Variants in RNF168 observed in about 807,000 individuals in gnomAD.
RNF168 encodes the protein ring finger protein 168, also known as E3 ubiquitin-protein ligase RNF168.
In RNF168, 34 loss-of-function variants were observed where a neutral mutation model predicts 34.9. The ratio of observed to expected loss-of-function variants is 0.97; its 90% CI spans 0.74 to 1.30. The LOEUF (loss-of-function observed/expected upper bound fraction) is 1.30. Ranked by LOEUF, RNF168 falls within the 50% of genes most tolerant of loss-of-function variation. RNF168 has a pLI of 0.00. For missense variants in RNF168, 725 were observed against 682.5 expected, an observed-to-expected ratio of 1.06 and a Z score of -0.69; for synonymous variants, 264 against 254.7, an observed-to-expected ratio of 1.04 and a Z score of -0.35.
chr3:196,479,402 T>C (rs777778677), intron 4 of RNF168, among the ~76,000 whole-genome samples: 81 of 152,058 alleles, frequency 5.3e-4, no homozygotes, highest in Admixed American at 1.6e-3. Context: ...CCTCCCAGGT[T>C]CACGTGATCC....
intron 3 of RNF168, 80 bp downstream of exon 3, chr3:196,487,319 C>T (rs985159979): frequency 4.3e-6 from 5 of 1,172,298 alleles, no homozygotes; most frequent in South Asian, 1.2e-5. Context: ...ATACAAGGAG[C>T]TGACTCTTCC....
chr3:196,499,769 C>T (rs1175115059), intron 1 of RNF168, among the ~76,000 whole-genome samples: 4 of 152,152 alleles, frequency 2.6e-5, no homozygotes, highest in African/African-American at 4.8e-5. Context: ...GATTAAATGA[C>T]AGGCAAAGTT....
At position 196,485,960 on chromosome 3, in the gene RNF168, T is replaced by C. The variant is rs78548602; in HGVS notation, c.558+1439A>G. ...CCCATCCCTAGAGACTCTGACTTAA[T>C]AGATTTGGAGTAAATATGAGAGTTT... On this transcript the variant is annotated intron_variant, in intron 3 of 5. Coordinates refer to ENST00000318037, the MANE Select transcript of RNF168 (RefSeq NM_152617.4). Among the ~76,000 whole-genome samples the C allele has an allele frequency of 2.7e-3, 418 of 152,266 alleles. 23 individuals are homozygous for C. In the South Asian group the frequency reaches 0.071, roughly 26 times the overall value.
chr3:196,493,416 G>A (rs774645026), intron 1 of RNF168, among the ~76,000 whole-genome samples: 11 of 152,096 alleles, frequency 7.2e-5, no homozygotes, highest in African/African-American at 9.7e-5. Flanking sequence ...GTTCAGTGGC[G>A]GGATCATAGC....
chr3:196,471,619 C>T lies in RNF168; in HGVS notation c.*200G>A, dbSNP rs570309581. ...ACACATCTGTTATTAAGAAGGGAAA[C>T]GACAGGGGACCCCTGCTTACCGCTG... On this transcript the variant is annotated 3_prime_UTR_variant, in exon 6 of 6. Coordinates refer to ENST00000318037, the MANE Select transcript of RNF168 (RefSeq NM_152617.4). 11 of 577,668 alleles carry T rather than the reference C, an allele frequency of 1.9e-5. No homozygotes were observed. Among genetic ancestry groups the T allele is most frequent in the East Asian group, 2.9e-5 (1 of 34,722 alleles). The allele number at this position is 577,668 out of a possible 1,614,324, so 35.8% of individuals were successfully genotyped here.
intron 1 of RNF168, among the ~76,000 whole-genome samples, chr3:196,491,029 A>G (rs73072948): frequency 0.1 from 15,880 of 152,260 alleles, 2,660 homozygotes; most frequent in African/African-American, 0.35. Context: ...AAAAAATTAA[A>G]GTAAGCTGGG....
intron 2 of RNF168, 105 bp downstream of exon 2, chr3:196,488,502 A>T: frequency 1.5e-6 from 1 of 675,108 alleles, no homozygotes; most frequent in Non-Finnish European, 2.6e-6. Context: ...AATTATCCAT[A>T]TTTCAAGATA....
chr3:196,502,814 G>A (rs1040284486), intron 1 of RNF168, 59 bp downstream of exon 1: 2 of 1,417,992 alleles, frequency 1.4e-6, no homozygotes, highest in African/African-American at 2.8e-5. Context: ...GAAAAGTGAT[G>A]ATTCACCTTT....
intron 1 of RNF168, among the ~76,000 whole-genome samples, chr3:196,497,995 T>C (rs1024695082): frequency 2.6e-5 from 4 of 152,110 alleles, no homozygotes; most frequent in African/African-American, 9.7e-5. Context: ...ACCTGGAAAT[T>C]GAAATTAAAA....
intron 1 of RNF168, among the ~76,000 whole-genome samples, chr3:196,493,042 A>T (rs1350865762): frequency 6.6e-6 from 1 of 152,198 alleles, no homozygotes; most frequent in East Asian, 1.9e-4. Flanking sequence ...AAAACAATTA[A>T]AACTTCCATG....
intron 1 of RNF168, among the ~76,000 whole-genome samples, chr3:196,493,126 G>A (rs893153219): frequency 2.0e-5 from 3 of 152,138 alleles, no homozygotes; most frequent in African/African-American, 7.2e-5. Context: ...GAGAATTAGT[G>A]TCCAGAATAT....
At chr3:196,484,162 C>T (rs9683218) in intron 3 of RNF168, among the ~76,000 whole-genome samples, 92,311 of 145,306 alleles carry the variant, frequency 0.64, 30,349 homozygotes, top group African/African-American at 0.75. Context: ...TCCTGTTGAT[C>T]TTTCTTTCCT....
Position 196,490,970 on chromosome 3 carries a change from ATC to A in RNF168, c.302-2289_302-2288del, listed in dbSNP as rs528403844. Among the ~76,000 whole-genome samples, 255 of 152,364 alleles carry A rather than the reference ATC, an allele frequency of 1.7e-3. 1 individual carries two copies. The highest frequency in any genetic ancestry group is 3.6e-3 in the Admixed American group (55 of 15,302). ...GTAGAATCTACGAAACCCTGGAGGT[ATC>A]TGAGACTTTTTTTCAGGGAAACTGC... On this transcript the variant is annotated intron_variant, in intron 1 of 5. Coordinates refer to ENST00000318037, the MANE Select transcript of RNF168 (RefSeq NM_152617.4).
chr3:196,476,796 G>A (rs1732160726), intron 4 of RNF168, among the ~76,000 whole-genome samples: 1 of 150,370 alleles, frequency 6.7e-6, no homozygotes, highest in Non-Finnish European at 1.5e-5. Context: ...TCGCCAGGCT[G>A]GAGTGCCGTG....
intron 1 of RNF168, among the ~76,000 whole-genome samples, chr3:196,500,243 G>A (rs1281648793): frequency 1.3e-5 from 2 of 152,174 alleles, no homozygotes; most frequent in Non-Finnish European, 2.9e-5. Flanking sequence ...GCCGAGAAGT[G>A]GAAGCAAGCC....
chr3:196,479,067 G>C (rs1309132634), intron 4 of RNF168, among the ~76,000 whole-genome samples: 1 of 147,360 alleles, frequency 6.8e-6, no homozygotes, highest in African/African-American at 2.5e-5. Context: ...TTGGAGTGCA[G>C]TGGTGCAGTC....
At chr3:196,487,668 A>C in intron 2 of RNF168, 90 bp from the exon 3 acceptor site, 1 of 1,247,264 alleles carries the variant, frequency 8.0e-7, no homozygotes, top group Non-Finnish European at 1.2e-6. Context: ...GTAGAAAAAG[A>C]ACAAATTGGC....
intron 4 of RNF168, among the ~76,000 whole-genome samples, chr3:196,480,599 T>G (rs554459664): frequency 6.6e-6 from 1 of 152,224 alleles, no homozygotes. Flanking sequence ...TTCTAACCCA[T>G]GAATATTGTA....
rs1732952139 is a variant in RNF168, at chr3:196,503,332, A to G, written c.-159T>C. 1 of 701,360 alleles carries G rather than the reference A, an allele frequency of 1.4e-6. No individual in the cohort carries two copies. The highest frequency in any genetic ancestry group is 2.3e-5 in the Admixed American group (1 of 43,214). 43.4% of individuals were successfully genotyped at this position (701,360 alleles called of 1,614,324 possible). Reference sequence around the variant, plus strand: ...AACAGGAGCATCCAACACGTCTTGAAGCAAAAAGGCGCTCTCAGGGTCAGG... The same window carrying G: ...AACAGGAGCATCCAACACGTCTTGAGGCAAAAAGGCGCTCTCAGGGTCAGG... On this transcript the variant is annotated 5_prime_UTR_variant, in exon 1 of 6. Coordinates refer to ENST00000318037, the MANE Select transcript of RNF168 (RefSeq NM_152617.4).
Sources: gnomAD v4.1 joint callset for allele counts (sites outside exome capture counted in the v4.1 genomes callset) on GRCh38, gnomAD v4.1.1 for gene constraint, MANE v1.5 for transcripts, NCBI Gene and HGNC (gene_info 2026-07-23, HGNC 2026-07-21) for gene names.